The following SARDH variants were observed in gnomAD, a reference collection of about 807,000 sequenced individuals.
SARDH encodes the protein sarcosine dehydrogenase.
A neutral mutation model predicts 109.1 loss-of-function variants in SARDH; 95 were observed. That is an observed-to-expected ratio of 0.87 (90% CI 0.74 to 1.03). The LOEUF is 1.03. Among genes scored for constraint, SARDH ranks in the 50% least tolerant of loss-of-function variants. SARDH has a pLI of 0.00. For synonymous variants in SARDH, 572 were observed against 534.8 expected, an observed-to-expected ratio of 1.07 and a Z score of -0.96; for missense variants, 1,267 against 1,287.8, an observed-to-expected ratio of 0.98 and a Z score of 0.25.
chr9:133,682,882 A>G (rs985782487), intron 17 of SARDH, among the ~76,000 whole-genome samples: 4 of 147,268 alleles, frequency 2.7e-5, no homozygotes, highest in Non-Finnish European at 5.9e-5. Flanking sequence ...GTCTGCACTC[A>G]GCCCCTGTGC....
Position 133,704,870 on chromosome 9 carries a change from A to G in SARDH, c.1554+78T>C. The G allele has an allele frequency of 7.8e-7, 1 of 1,274,710 alleles. No homozygotes were observed. The highest frequency in any genetic ancestry group is 1.3e-5 in the South Asian group (1 of 77,508). 79.0% of individuals were successfully genotyped at this position (1,274,710 alleles called of 1,614,324 possible). On this transcript the variant is annotated intron_variant, in intron 12 of 20. Coordinates refer to ENST00000439388, the MANE Select transcript of SARDH (RefSeq NM_001134707.2). The surrounding 1 kb of genome is among the most constrained non-coding windows in gnomAD (Gnocchi z 4.5). ...GGGAGGCGGGGCACACGGAGGGGCA[A>G]GGACGGGGCACGTGGAGGGGCAAGG...
At chr9:133,697,503 T>C (rs1193036611) in intron 13 of SARDH, among the ~76,000 whole-genome samples, 1 of 152,148 alleles carries the variant, frequency 6.6e-6, no homozygotes, top group Non-Finnish European at 1.5e-5. Context: ...CTTACAAATA[T>C]AGATACAAAA....
At chr9:133,677,677 C>A (rs1830564092) in intron 17 of SARDH, among the ~76,000 whole-genome samples, 1 of 152,238 alleles carries the variant, frequency 6.6e-6, no homozygotes, top group South Asian at 2.1e-4. Flanking sequence ...CTGCTGGGAA[C>A]AGAGTCCCCT....
intron 17 of SARDH, among the ~76,000 whole-genome samples, chr9:133,673,806 G>T (rs1830429385): frequency 6.6e-6 from 1 of 152,158 alleles, no homozygotes; most frequent in Non-Finnish European, 1.5e-5. Flanking sequence ...TTTTTAAAGT[G>T]CACCTATGCA....
At chr9:133,731,850 AC>A (rs1832693835) in intron 3 of SARDH, among the ~76,000 whole-genome samples, 1 of 152,006 alleles carries the variant, frequency 6.6e-6, no homozygotes, top group Non-Finnish European at 1.5e-5. Context: ...AAGATAAATA[AC>A]CCCACAGGTC....
rs1831559075 is a variant in SARDH, at chr9:133,703,211, CAG to C, written c.1555-184_1555-183del. 2.1e-5 allele frequency: 13 copies of C among 605,932 alleles called. No individual in the cohort carries two copies. In the South Asian group the frequency reaches 2.5e-4, roughly 12 times the overall value. The allele number at this position is 605,932 out of a possible 1,614,324, so 37.5% of individuals were successfully genotyped here. On this transcript the variant is annotated intron_variant, in intron 12 of 20. Coordinates refer to ENST00000439388, the MANE Select transcript of SARDH (RefSeq NM_001134707.2). The stretch of plus-strand genomic sequence containing the variant: ...GGGCCCCCATGAGGTCCAGGCAAAA[CAG>C]AGGCACAAAGGAGGCCGCAGGGTTG...
chr9:133,732,739 G>A (rs1411283482), intron 2 of SARDH, 138 bp from the exon 3 acceptor site: 2 of 944,006 alleles, frequency 2.1e-6, no homozygotes, highest in South Asian at 1.7e-5. Flanking sequence ...GACCTGGGGG[G>A]CCTGGAGAGG....
intron 17 of SARDH, among the ~76,000 whole-genome samples, chr9:133,683,925 T>C (rs868473586): frequency 6.6e-6 from 1 of 152,192 alleles, no homozygotes; most frequent in Non-Finnish European, 1.5e-5. Flanking sequence ...CACATCCGTG[T>C]CACTGACACA....
intron 4 of SARDH, among the ~76,000 whole-genome samples, chr9:133,730,792 A>G (rs1832654122): frequency 6.6e-6 from 1 of 152,114 alleles, no homozygotes; most frequent in African/African-American, 2.4e-5. Flanking sequence ...CCTGGCTAAC[A>G]CAGTGAAACC....
chr9:133,713,648 C>A lies in SARDH; in HGVS notation c.1151-524G>T, dbSNP rs541034839. On this transcript the variant is annotated intron_variant, in intron 8 of 20. Coordinates refer to ENST00000439388, the MANE Select transcript of SARDH (RefSeq NM_001134707.2). ...TCCCAACTTCTGCGGGGGAGGAGAC[C>A]AATGTCCCACTCCGGCGGCCACAGC... 1.4e-4 allele frequency among the ~76,000 whole-genome samples: 22 copies of A among 152,352 alleles called. No individual in the cohort carries two copies. In the East Asian group the frequency reaches 3.7e-3, roughly 25 times the overall value.
chr9:133,699,734 G>A (rs888971046), intron 13 of SARDH, among the ~76,000 whole-genome samples: 2 of 152,158 alleles, frequency 1.3e-5, no homozygotes, highest in East Asian at 3.8e-4. Flanking sequence ...AAGTGTTGGC[G>A]AGGATGTGGA....
intron 13 of SARDH, among the ~76,000 whole-genome samples, chr9:133,701,203 T>G (rs1831471912): frequency 6.6e-6 from 1 of 152,218 alleles, no homozygotes; most frequent in Admixed American, 6.5e-5. Context: ...AAATCAGCCA[T>G]GGAGAAAGCA....
intron 17 of SARDH, among the ~76,000 whole-genome samples, chr9:133,675,990 G>A (rs1830496751): frequency 6.6e-6 from 1 of 151,806 alleles, no homozygotes; most frequent in Non-Finnish European, 1.5e-5. Context: ...CTACTTGGAA[G>A]GCTGAAGGGG....
At chr9:133,659,663 G>C (rs1362859244), downstream of SARDH, among the ~76,000 whole-genome samples, 1 of 152,296 alleles carries the variant, frequency 6.6e-6, no homozygotes, top group African/African-American at 2.4e-5. Flanking sequence ...CTTCTGCAAG[G>C]CACTTCACTT....
intron 13 of SARDH, among the ~76,000 whole-genome samples, chr9:133,698,696 T>A (rs945876906): frequency 6.6e-6 from 1 of 152,186 alleles, no homozygotes; most frequent in Non-Finnish European, 1.5e-5. Flanking sequence ...TTTCAACAAC[T>A]GGTGCTGGGC....
intron 17 of SARDH, among the ~76,000 whole-genome samples, chr9:133,679,487 G>A (rs893872007): frequency 3.9e-5 from 6 of 152,372 alleles, no homozygotes; most frequent in Admixed American, 2.0e-4. Flanking sequence ...CGTGCCCCAC[G>A]GAGTGCTCCC....
At chr9:133,661,551 G>C (rs1025732997), downstream of SARDH, among the ~76,000 whole-genome samples, 1 of 151,298 alleles carries the variant, frequency 6.6e-6, no homozygotes, top group Non-Finnish European at 1.5e-5. Context: ...GCATAATCTC[G>C]GCTCACCACA....
chr9:133,687,508 C>T (rs961721488), intron 16 of SARDH, among the ~76,000 whole-genome samples: 3 of 152,036 alleles, frequency 2.0e-5, no homozygotes, highest in Admixed American at 6.6e-5. Context: ...CTCAAACTCC[C>T]GGACTCAAGC....
rs1236788560 is a variant in SARDH at position 133,730,163 on chromosome 9, C to T, written c.715G>A (p.Gly239Ser). 7 of 1,614,228 alleles carry T rather than the reference C, an allele frequency of 4.3e-6. No homozygotes were observed. The highest frequency in any genetic ancestry group is 4.5e-5 in the East Asian group (2 of 44,880). ...AQVIENCPVT[G>S]IRVWTDDFGV... Reference sequence around the variant, plus strand: ...AAATCATCCGTCCACACACGAATGCCGGTCACTGGGCAGTTCTCAATGACC... The same window carrying T: ...AAATCATCCGTCCACACACGAATGCTGGTCACTGGGCAGTTCTCAATGACC... Residue 239 changes from glycine (G) to serine (S), a missense_variant, in exon 5 of 21, where the codon GGC (glycine) becomes AGC (serine). Physicochemically the swap from Gly to Ser is moderately conservative, Grantham distance 56. Coordinates refer to ENST00000439388, the MANE Select transcript of SARDH (RefSeq NM_001134707.2).
Sources: gnomAD v4.1 joint callset for allele counts (sites outside exome capture counted in the v4.1 genomes callset) on GRCh38, gnomAD v4.1.1 for gene constraint, Gnocchi (gnomAD v3.1) non-coding constraint, MANE v1.5 for transcripts, NCBI Gene and HGNC (gene_info 2026-07-23, HGNC 2026-07-21) for gene names.